Variants in KIF18A observed in about 807,000 individuals in gnomAD.
KIF18A encodes kinesin family member 18A, also known as kinesin-like protein KIF18A.
In KIF18A, 67 loss-of-function variants were observed where a neutral mutation model predicts 103.3. That is an observed-to-expected ratio of 0.65 (90% CI 0.53 to 0.79). KIF18A has a LOEUF of 0.79. Ranked by LOEUF, KIF18A falls within the 30% of genes least tolerant of loss-of-function variation. The probability of loss-of-function intolerance (pLI) is 0.00; values close to 1 mark genes in which losing one functional copy is unlikely to be tolerated. For missense variants in KIF18A, 1,032 were observed against 1,062.5 expected (o/e 0.97, Z 0.40); for synonymous variants, 367 against 355.5 (o/e 1.03, Z -0.36).
intron 9 of KIF18A, among the ~76,000 whole-genome samples, chr11:28,081,958 A>C (rs903687286): frequency 6.6e-6 from 1 of 152,100 alleles, no homozygotes; most frequent in Admixed American, 6.6e-5. Flanking sequence ...TGAGGGGTTC[A>C]AGATTTCAGT....
chr11:28,065,699 A>G (rs1161022672), intron 11 of KIF18A, among the ~76,000 whole-genome samples: 3 of 152,066 alleles, frequency 2.0e-5, no homozygotes, highest in Non-Finnish European at 4.4e-5. Context: ...TGGGATAGAA[A>G]AGGCAAACTA....
intron 13 of KIF18A, among the ~76,000 whole-genome samples, chr11:28,057,749 T>G (rs1414516527): frequency 2.0e-5 from 3 of 152,160 alleles, no homozygotes; most frequent in African/African-American, 7.2e-5. Flanking sequence ...AATACACAGA[T>G]GTGTTCTCTG....
At chr11:28,027,964 T>C (rs1850342244) in intron 15 of KIF18A, among the ~76,000 whole-genome samples, 1 of 151,834 alleles carries the variant, frequency 6.6e-6, no homozygotes, top group Non-Finnish European at 1.5e-5. Flanking sequence ...ACTAGCAAAC[T>C]GAATCCAATA....
At chr11:28,086,142 T>C (rs1008127152) in intron 6 of KIF18A, among the ~76,000 whole-genome samples, 1 of 152,158 alleles carries the variant, frequency 6.6e-6, no homozygotes, top group Non-Finnish European at 1.5e-5. Context: ...GTAACTTTTC[T>C]GTAAATCTAA....
At chr11:28,085,522 G>A (rs1339450293) in intron 6 of KIF18A, among the ~76,000 whole-genome samples, 1 of 152,154 alleles carries the variant, frequency 6.6e-6, no homozygotes, top group Admixed American at 6.5e-5. Flanking sequence ...GTGCACAGAA[G>A]AAAACACGGA....
intron 9 of KIF18A, among the ~76,000 whole-genome samples, chr11:28,078,462 T>C (rs547241296): frequency 6.6e-6 from 1 of 152,252 alleles, no homozygotes; most frequent in Non-Finnish European, 1.5e-5. Flanking sequence ...CTAGACTTAT[T>C]TTAGGTGGTG....
At chr11:28,072,214 A>G (rs935504908) in intron 10 of KIF18A, among the ~76,000 whole-genome samples, 10 of 152,184 alleles carry the variant, frequency 6.6e-5, no homozygotes, top group African/African-American at 2.2e-4. Context: ...CCTGCACACC[A>G]CAAAAGTCTT....
chr11:28,034,807 T>C (rs191973496), intron 15 of KIF18A, among the ~76,000 whole-genome samples: 4 of 151,730 alleles, frequency 2.6e-5, no homozygotes, highest in Admixed American at 2.0e-4. Context: ...CTATAGCATG[T>C]TTCTCTTTTC....
At chr11:28,035,746 T>C (rs1158891456) in intron 14 of KIF18A, among the ~76,000 whole-genome samples, 1 of 151,580 alleles carries the variant, frequency 6.6e-6, no homozygotes. Context: ...TCTTTCCATA[T>C]TTAGATTGGG....
intron 16 of KIF18A, among the ~76,000 whole-genome samples, chr11:28,022,815 C>T (rs1476069991): frequency 6.6e-6 from 1 of 152,228 alleles, no homozygotes; most frequent in Non-Finnish European, 1.5e-5. Context: ...ACACTGGCTA[C>T]TACAGGAAGC....
intron 11 of KIF18A, 107 bp downstream of exon 11, chr11:28,069,152 G>A (rs1850976263): frequency 1.2e-6 from 1 of 806,714 alleles, no homozygotes; most frequent in Admixed American, 2.5e-5. Flanking sequence ...AGAGTTATGA[G>A]GCAATAATAG....
At chr11:28,065,440 T>C (rs959008083) in intron 11 of KIF18A, among the ~76,000 whole-genome samples, 46 of 152,052 alleles carry the variant, frequency 3.0e-4, no homozygotes, top group African/African-American at 9.2e-4. Context: ...AAATCAAAGA[T>C]ACAAAAATCA....
rs777161628 is a variant in KIF18A at position 28,058,944 on chromosome 11, C to G, written c.1930G>C (p.Val644Leu). The part of the protein sequence containing the change: ...VLMTFPQLGP[V>L]QPIPCCSSSG... ...TACTTACAACAAGGAATAGGCTGAA[C>G]TGGTCCAAGTTGTGGAAAGGTCATA... The change falls in exon 13 of 17, where the codon GTT (valine) becomes CTT (leucine). Residue 644 changes from valine (V) to leucine (L), a missense_variant. Physicochemically the swap from Val to Leu is conservative, Grantham distance 32. Coordinates refer to ENST00000263181, the MANE Select transcript of KIF18A (RefSeq NM_031217.4). 2 of 1,613,748 alleles carry G rather than the reference C, an allele frequency of 1.2e-6. No individual in the cohort carries two copies. Among genetic ancestry groups the G allele is most frequent in the African/African-American group, 2.7e-5 (2 of 74,898 alleles).
intron 3 of KIF18A, among the ~76,000 whole-genome samples, chr11:28,093,931 C>T (rs555926053): frequency 6.6e-6 from 1 of 152,242 alleles, no homozygotes; most frequent in East Asian, 1.9e-4. Flanking sequence ...AACGTATCTT[C>T]AAAGTGGAGA....
intron 10 of KIF18A, among the ~76,000 whole-genome samples, chr11:28,072,475 T>TAAAATTCTAA (rs1851032488): frequency 1.3e-5 from 2 of 152,148 alleles, no homozygotes; most frequent in South Asian, 4.1e-4. Context: ...TTGGAGAGAA[T>TAAAATTCTAA]CCAAAACATA....
At chr11:28,061,302 A>T (rs1324939867) in intron 12 of KIF18A, among the ~76,000 whole-genome samples, 1 of 152,192 alleles carries the variant, frequency 6.6e-6, no homozygotes, top group Non-Finnish European at 1.5e-5. Context: ...TATATTGCTC[A>T]TATAAGCTAG....
chr11:28,054,611 T>C (rs1850754736), intron 13 of KIF18A, among the ~76,000 whole-genome samples: 1 of 152,204 alleles, frequency 6.6e-6, no homozygotes, highest in Non-Finnish European at 1.5e-5. Flanking sequence ...AACTCACTTA[T>C]AAACACCGTT....
chr11:28,085,398 T>C (rs931577269), intron 6 of KIF18A, among the ~76,000 whole-genome samples: 1 of 152,222 alleles, frequency 6.6e-6, no homozygotes, highest in African/African-American at 2.4e-5. Context: ...TCAATGGTCA[T>C]GCTCCTTGTC....
At chr11:28,027,345 T>A (rs1850334037) in intron 15 of KIF18A, among the ~76,000 whole-genome samples, 1 of 151,908 alleles carries the variant, frequency 6.6e-6, no homozygotes, top group Admixed American at 6.6e-5. Context: ...AGATTTTTCC[T>A]TATCTTTAGT....
Sources: gnomAD v4.1 joint callset for allele counts (sites outside exome capture counted in the v4.1 genomes callset) on GRCh38, gnomAD v4.1.1 for gene constraint, MANE v1.5 for transcripts, NCBI Gene and HGNC (gene_info 2026-07-23, HGNC 2026-07-21) for gene names.